Variants in MAP3K3 observed in about 807,000 individuals in gnomAD.
MAP3K3 encodes the protein MAP/ERK kinase kinase 3.
MAP3K3 carries 12 observed loss-of-function variants against 80.9 expected under a neutral mutation model. The observed-to-expected ratio is 0.15, with a 90% CI of 0.10 to 0.24. MAP3K3 has a LOEUF of 0.24. Among genes scored for constraint, MAP3K3 ranks in the 10% least tolerant of loss-of-function variants. The probability of loss-of-function intolerance (pLI) is 1.00; values close to 1 mark genes in which losing one functional copy is unlikely to be tolerated. For missense variants in MAP3K3, 596 were observed against 834.7 expected (o/e 0.71, Z 3.52); for synonymous variants, 272 against 307.1 (o/e 0.89, Z 1.19).
At chr17:63,677,826 C>CCACTG (rs1007266447) in intron 6 of MAP3K3, among the ~76,000 whole-genome samples, 2 of 152,038 alleles carry the variant, frequency 1.3e-5, no homozygotes, top group Non-Finnish European at 2.9e-5. Flanking sequence ...TATGAACACG[C>CCACTG]CACTGCACTC....
chr17:63,656,573 C>G (rs2034773734), intron 4 of MAP3K3, among the ~76,000 whole-genome samples: 1 of 152,020 alleles, frequency 6.6e-6, no homozygotes, highest in Non-Finnish European at 1.5e-5. Context: ...CCACTGCACT[C>G]CAGCCTGGGC....
intron 2 of MAP3K3, among the ~76,000 whole-genome samples, chr17:63,639,590 G>A (rs945196919): frequency 1.3e-5 from 2 of 152,142 alleles, no homozygotes; most frequent in Non-Finnish European, 2.9e-5. Context: ...AGAGTGGGTT[G>A]GAAATGGGGA....
chr17:63,658,838 G>T (rs1192426237), intron 5 of MAP3K3, among the ~76,000 whole-genome samples: 2 of 151,248 alleles, frequency 1.3e-5, no homozygotes, highest in Non-Finnish European at 2.9e-5. Context: ...GGCTTCAAAT[G>T]ATTCTCCTGC....
At chr17:63,656,983 C>T (rs1218228718) in intron 4 of MAP3K3, among the ~76,000 whole-genome samples, 1 of 152,084 alleles carries the variant, frequency 6.6e-6, no homozygotes, top group Admixed American at 6.6e-5. Flanking sequence ...GGGAAAAGCT[C>T]CGTGAGAATG....
chr17:63,688,706 G>A, intron 9 of MAP3K3, 83 bp from the exon 10 acceptor site: 1 of 1,409,356 alleles, frequency 7.1e-7, no homozygotes, highest in Non-Finnish European at 1.0e-6. Flanking sequence ...CTGCTTTGAG[G>A]TCTCAGGTGC....
chr17:63,640,038 G>A (rs2034409583), intron 2 of MAP3K3, among the ~76,000 whole-genome samples: 1 of 152,208 alleles, frequency 6.6e-6, no homozygotes, highest in Non-Finnish European at 1.5e-5. Context: ...CCCTGGCTGT[G>A]AGGAGGAAAA....
chr17:63,663,892 A>T (rs2034945792), intron 5 of MAP3K3, among the ~76,000 whole-genome samples: 1 of 152,140 alleles, frequency 6.6e-6, no homozygotes, highest in African/African-American at 2.4e-5. Context: ...AAAACAAAAA[A>T]GATGATATAT....
intron 2 of MAP3K3, 104 bp downstream of exon 2, chr17:63,632,906 T>A: frequency 7.1e-7 from 1 of 1,412,478 alleles, no homozygotes; most frequent in Non-Finnish European, 9.7e-7. Flanking sequence ...GGTTGAATGC[T>A]TTTGACCCCT....
At chr17:63,627,216 A>G (rs1229130381) in intron 1 of MAP3K3, among the ~76,000 whole-genome samples, 1 of 152,186 alleles carries the variant, frequency 6.6e-6, no homozygotes, top group Non-Finnish European at 1.5e-5. Context: ...CTACTTTTTA[A>G]GCCTGAACTC....
Position 63,652,545 on chromosome 17 carries a change from G to C in MAP3K3, c.168-12G>C, listed in dbSNP as rs1219210063. The C allele has an allele frequency of 8.1e-6, 13 of 1,596,036 alleles. No homozygotes were observed. Among genetic ancestry groups the C allele is most frequent in the Non-Finnish European group, 1.1e-5 (13 of 1,163,866 alleles). On this transcript the variant is annotated splice_polypyrimidine_tract_variant and intron_variant, in intron 3 of 15. Coordinates refer to ENST00000361733, the MANE Select transcript of MAP3K3 (RefSeq NM_002401.5). ...ATACAATTAACCAACCTTTCTTTCTGTTTCTTTTCAGAATTATAGCGTTCA... is the reference window on the plus strand; with the variant it reads ...ATACAATTAACCAACCTTTCTTTCTCTTTCTTTTCAGAATTATAGCGTTCA...
At chr17:63,630,390 T>C (rs2034191325) in intron 1 of MAP3K3, among the ~76,000 whole-genome samples, 1 of 152,176 alleles carries the variant, frequency 6.6e-6, no homozygotes, top group Admixed American at 6.5e-5. Context: ...TACAGTGGCA[T>C]GATCATGGCT....
intron 3 of MAP3K3, among the ~76,000 whole-genome samples, chr17:63,649,924 C>T (rs2034616337): frequency 6.6e-6 from 1 of 152,228 alleles, no homozygotes. Context: ...TGGCTTATTG[C>T]TTCTTCCTCT....
At chr17:63,661,282 A>G (rs1482459379) in intron 5 of MAP3K3, among the ~76,000 whole-genome samples, 1 of 152,168 alleles carries the variant, frequency 6.6e-6, no homozygotes, top group African/African-American at 2.4e-5. Context: ...CCTGACCTCA[A>G]GTGATCCGCA....
chr17:63,654,326 C>A (rs960006252), intron 4 of MAP3K3, among the ~76,000 whole-genome samples: 1 of 151,980 alleles, frequency 6.6e-6, no homozygotes, highest in Admixed American at 6.6e-5. Flanking sequence ...CAGTACGTGA[C>A]CTTTTTTGTC....
intron 6 of MAP3K3, among the ~76,000 whole-genome samples, chr17:63,679,093 A>C (rs1165412424): frequency 1.3e-5 from 2 of 151,760 alleles, no homozygotes; most frequent in Admixed American, 6.6e-5. Context: ...GCTTCTTAGA[A>C]AATGTCTTTC....
rs150179132 is a variant in MAP3K3, at chr17:63,684,633, C to T, written c.637-884C>T. ...TTTTCATAATTCTGATACTTTGTTT[C>T]CCTATGTAATTTTTTAAAATTAATT... is the stretch of plus-strand genomic sequence containing the variant. On this transcript the variant is annotated intron_variant, in intron 7 of 15. Coordinates refer to ENST00000361733, the MANE Select transcript of MAP3K3 (RefSeq NM_002401.5). Among the ~76,000 whole-genome samples the T allele has an allele frequency of 1.8e-4, 28 of 152,132 alleles. 1 individual carries two copies. The East Asian group carries it at 5.4e-3, about 29-fold the overall frequency.
Position 63,689,670 on chromosome 17 carries a change from G to A in MAP3K3, c.998G>A (p.Gly333Glu). 6.2e-7 allele frequency: 1 copy of A among 1,613,920 alleles called. No individual in the cohort carries two copies. The highest frequency in any genetic ancestry group is 8.5e-7 in the Non-Finnish European group (1 of 1,179,946). The part of the protein sequence containing the change: ...GLAVQYLDPR[G>E]RLRSADSENA... Reference sequence around the variant, plus strand: ...GCTGTGCAATACCTGGACCCCCGTGGGCGCCTGCGGAGTGCGGACAGCGAG... The same window carrying A: ...GCTGTGCAATACCTGGACCCCCGTGAGCGCCTGCGGAGTGCGGACAGCGAG... The change falls in exon 11 of 16, where the codon GGG becomes GAG. Residue 333 changes from glycine to glutamate, a missense_variant. Physicochemically the swap from Gly to Glu is moderately conservative, Grantham distance 98. This residue lies in a region of MAP3K3 where 364 missense variants were observed against 588.9 expected (regional missense o/e 0.62). Coordinates refer to ENST00000361733, the MANE Select transcript of MAP3K3 (RefSeq NM_002401.5). The surrounding 1 kb of genome is among the most constrained non-coding windows in gnomAD (Gnocchi z 4.3).
chr17:63,668,290 C>T (rs1048358422), intron 6 of MAP3K3: 1 of 152,222 alleles, frequency 6.6e-6, no homozygotes, highest in African/African-American at 2.4e-5. Context: ...GAGGTACTGA[C>T]TTTGCCTTAC....
chr17:63,663,782 C>T (rs1012087703), intron 5 of MAP3K3, among the ~76,000 whole-genome samples: 3 of 152,078 alleles, frequency 2.0e-5, no homozygotes, highest in Non-Finnish European at 4.4e-5. Context: ...ATTCCACCTA[C>T]CTGGGAGGCT....
Sources: gnomAD v4.1 joint callset for allele counts (sites outside exome capture counted in the v4.1 genomes callset) on GRCh38, gnomAD v4.1.1 for gene constraint, gnomAD v4.1.1 regional missense constraint, Gnocchi (gnomAD v3.1) non-coding constraint, MANE v1.5 for transcripts, NCBI Gene and HGNC (gene_info 2026-07-23, HGNC 2026-07-21) for gene names.